SFMBT2: variants seen among roughly 807,000 people sequenced by gnomAD.
SFMBT2 encodes scm-like with four MBT domains protein 2.
SFMBT2 carries 38 observed loss-of-function variants against 110.1 expected under a neutral mutation model. The ratio of observed to expected loss-of-function variants is 0.35; its 90% CI spans 0.27 to 0.45. The LOEUF is 0.45. SFMBT2 is among the 20% of genes least tolerant of loss of function. The pLI is 1.00. For synonymous variants in SFMBT2, 425 were observed against 425.4 expected, an observed-to-expected ratio of 1.00 and a Z score of 0.01; for missense variants, 1,011 against 1,094.9, an observed-to-expected ratio of 0.92 and a Z score of 1.08.
intron 9 of SFMBT2, 138 bp downstream of exon 9, chr10:7,243,420 G>A: frequency 1.5e-6 from 1 of 661,440 alleles, no homozygotes. Flanking sequence ...ATGTCAAGCT[G>A]ATGAAGAACG....
At chr10:7,283,539 T>C (rs549975441) in intron 6 of SFMBT2, among the ~76,000 whole-genome samples, 24 of 152,242 alleles carry the variant, frequency 1.6e-4, no homozygotes, top group Non-Finnish European at 1.6e-4. Context: ...GACTGAGAGA[T>C]GGGTACACAG....
intron 9 of SFMBT2, among the ~76,000 whole-genome samples, chr10:7,235,958 A>T (rs2131697967): frequency 6.6e-6 from 1 of 152,286 alleles, no homozygotes; most frequent in East Asian, 1.9e-4. Flanking sequence ...CAACAACATC[A>T]ACAGCTCCAG....
In SFMBT2 at chr10:7,284,042, C is replaced by T; in HGVS notation, c.634G>A (p.Val212Ile). Reference protein sequence around the residue: ...QYWIVSVIENVGGRLRLRYVG... With the variant: ...QYWIVSVIENIGGRLRLRYVG... ...TAGCGAAGGCGTAATCTTCCTCCAA[C>T]ATTTTCAATCACACTAACTATCCAG... Residue 212 changes from valine (V) to isoleucine (I), a missense_variant, in exon 6 of 21, where the codon GTT becomes ATT. By Grantham distance (29) the Val-to-Ile change is conservative (BLOSUM62 3). Transcript: ENST00000397167. 1 of 1,614,180 alleles carries T rather than the reference C, an allele frequency of 6.2e-7. No individual in the cohort carries two copies. The highest frequency in any genetic ancestry group is 1.7e-5 in the Admixed American group (1 of 60,032).
chr10:7,242,069 G>A (rs549201529), intron 9 of SFMBT2, among the ~76,000 whole-genome samples: 5 of 152,294 alleles, frequency 3.3e-5, no homozygotes, highest in African/African-American at 1.2e-4. Flanking sequence ...AGGAAGCAAA[G>A]GAAGATGGCC....
chr10:7,200,755 G>A (rs541122652), intron 13 of SFMBT2: 61 of 155,202 alleles, frequency 3.9e-4, no homozygotes, highest in Non-Finnish European at 5.2e-4. Context: ...CTCCCAGGTC[G>A]CTTCTGGCCT....
intron 1 of SFMBT2, among the ~76,000 whole-genome samples, chr10:7,409,681 C>T (rs1191913890): frequency 6.6e-6 from 1 of 151,668 alleles, no homozygotes; most frequent in African/African-American, 2.4e-5. Context: ...TCTTTTTTTC[C>T]CCACTTAATT....
chr10:7,362,550 G>A (rs151022194), intron 4 of SFMBT2, among the ~76,000 whole-genome samples: 9 of 152,304 alleles, frequency 5.9e-5, no homozygotes, highest in African/African-American at 2.2e-4. Context: ...AAGTGTCCTC[G>A]AAGATCTGGA....
chr10:7,216,617 C>A (rs568803088), intron 11 of SFMBT2, among the ~76,000 whole-genome samples: 3 of 152,160 alleles, frequency 2.0e-5, no homozygotes, highest in African/African-American at 7.2e-5. Context: ...CTTGCCAGTG[C>A]CCCATCTGGC....
At chr10:7,239,895 A>ACACCCCTG (rs200016945) in intron 9 of SFMBT2, among the ~76,000 whole-genome samples, 10 of 152,082 alleles carry the variant, frequency 6.6e-5, no homozygotes, top group Middle Eastern at 3.4e-3. Context: ...TTTTAACCCG[A>ACACCCCTG]CACCCCTGCA....
At chr10:7,393,026 TATATATATAA>T (rs1274660406) in intron 1 of SFMBT2, among the ~76,000 whole-genome samples, 656 of 65,386 alleles carry the variant, frequency 0.01, 10 homozygotes, top group African/African-American at 0.052. Flanking sequence ...TATATATATA[TATATATATAA>T]TTTTTTTTTT....
Position 7,170,114 on chromosome 10 carries a change from C to A in SFMBT2, c.2544+814G>T, listed in dbSNP as rs1837826595. ...TCCATGGGCATTATATACAAATTCA[C>A]AAACAGAAGACTCTGGAAGGTGGAG... is the stretch of plus-strand genomic sequence containing the variant. On this transcript the variant is annotated intron_variant, in intron 20 of 20. Transcript: ENST00000397167. This position sits in a 1 kb window ranked among gnomAD's most constrained non-coding sequence, Gnocchi z 4.6. Among the ~76,000 whole-genome samples the A allele has an allele frequency of 6.6e-6, 1 of 152,162 alleles. No homozygotes were observed. The highest frequency in any genetic ancestry group is 1.5e-5 in the Non-Finnish European group (1 of 68,034).
intron 1 of SFMBT2, among the ~76,000 whole-genome samples, chr10:7,391,960 C>T (rs941603146): frequency 6.6e-6 from 1 of 152,108 alleles, no homozygotes; most frequent in Non-Finnish European, 1.5e-5. Flanking sequence ...CCTCTGCTGC[C>T]GCCCATTAAA....
chr10:7,286,069 T>A, intron 4 of SFMBT2, 115 bp from the exon 5 acceptor site: 1 of 656,078 alleles, frequency 1.5e-6, no homozygotes, highest in African/African-American at 1.8e-5. Flanking sequence ...TAGGTTTGAT[T>A]TCAATGTTTT....
chr10:7,277,267 T>C (rs1224993427), intron 6 of SFMBT2: 1 of 155,266 alleles, frequency 6.4e-6, no homozygotes. Flanking sequence ...CTGTAAGTAA[T>C]TTAATGGTAT....
intron 11 of SFMBT2, among the ~76,000 whole-genome samples, chr10:7,220,083 C>T (rs944886375): frequency 6.6e-6 from 1 of 152,086 alleles, no homozygotes; most frequent in Admixed American, 6.5e-5. Flanking sequence ...TGATAATAAC[C>T]GAGACCTGGA....
chr10:7,360,411 G>A (rs893043025), intron 4 of SFMBT2, among the ~76,000 whole-genome samples: 1 of 151,994 alleles, frequency 6.6e-6, no homozygotes, highest in Admixed American at 6.6e-5. Context: ...AGGTTGCAGT[G>A]AGCCAAAATT....
intron 4 of SFMBT2, among the ~76,000 whole-genome samples, chr10:7,295,806 TG>T (rs749552933): frequency 1.3e-5 from 2 of 152,224 alleles, no homozygotes; most frequent in Non-Finnish European, 1.5e-5. Context: ...TGGAGTTCTC[TG>T]CTGTATGATT....
chr10:7,232,329 C>A (rs780968778), intron 9 of SFMBT2, among the ~76,000 whole-genome samples: 6 of 152,044 alleles, frequency 3.9e-5, no homozygotes, highest in African/African-American at 1.2e-4. Flanking sequence ...TACCCTTTGA[C>A]GCAACCATTT....
At chr10:7,166,243 C>G (rs1477370991) in intron 20 of SFMBT2, among the ~76,000 whole-genome samples, 3 of 152,216 alleles carry the variant, frequency 2.0e-5, no homozygotes, top group Admixed American at 2.0e-4. Flanking sequence ...GCTAGCCAAT[C>G]TAACTATGAT....
Sources: gnomAD v4.1 joint callset for allele counts (sites outside exome capture counted in the v4.1 genomes callset) on GRCh38, gnomAD v4.1.1 for gene constraint, Gnocchi (gnomAD v3.1) non-coding constraint, MANE v1.5 for transcripts, NCBI Gene and HGNC (gene_info 2026-07-23, HGNC 2026-07-21) for gene names.